The following HORMAD2 variants were observed in gnomAD, a reference collection of about 807,000 sequenced individuals.
HORMAD2 encodes HORMA domain containing 2, also known as HORMA domain-containing protein 2.
A neutral mutation model predicts 38.8 loss-of-function variants in HORMAD2; 45 were observed. That is an observed-to-expected ratio of 1.16 (90% CI 0.91 to 1.49). The LOEUF is 1.49. Among genes scored for constraint, HORMAD2 ranks in the 40% most tolerant of loss-of-function variants. HORMAD2 has a pLI of 0.00. For synonymous variants in HORMAD2, 126 were observed against 122.8 expected (o/e 1.03, Z -0.17); for missense variants, 338 against 367.0 (o/e 0.92, Z 0.65).
At chr22:30,084,428 G>C (rs1016470348) in intron 1 of HORMAD2, among the ~76,000 whole-genome samples, 6 of 152,050 alleles carry the variant, frequency 3.9e-5, no homozygotes, top group African/African-American at 1.2e-4. Context: ...ACCTCTTAAA[G>C]GCCCCAACTC....
the HORMAD2 span, among the ~76,000 whole-genome samples, chr22:30,190,954 A>T: frequency 6.6e-6 from 1 of 151,946 alleles, no homozygotes; most frequent in African/African-American, 2.4e-5. Flanking sequence ...GGGAACCCAG[A>T]TTCTATTTTT....
intron 1 of HORMAD2, among the ~76,000 whole-genome samples, chr22:30,089,304 T>C (rs2068638789): frequency 6.6e-6 from 1 of 152,116 alleles, no homozygotes; most frequent in African/African-American, 2.4e-5. Context: ...GAAGCCCCAG[T>C]TGAAATTAAA....
At chr22:30,081,685 C>G (rs113646632) in intron 1 of HORMAD2, among the ~76,000 whole-genome samples, 1,553 of 152,254 alleles carry the variant, frequency 0.01, 29 homozygotes, top group African/African-American at 0.035. Context: ...AAGCGATTCC[C>G]CTGCCTCAGC....
At chr22:30,078,815 G>A (rs112203521), upstream of HORMAD2, among the ~76,000 whole-genome samples, 885 of 152,146 alleles carry the variant, frequency 5.8e-3, 5 homozygotes, top group African/African-American at 0.018. Flanking sequence ...AGGGCCTAGT[G>A]ATCCAGCCAG....
intron 10 of HORMAD2, among the ~76,000 whole-genome samples, chr22:30,135,067 A>G (rs1299461703): frequency 1.3e-5 from 2 of 152,074 alleles, no homozygotes; most frequent in African/African-American, 2.4e-5. Flanking sequence ...CAATATTTCA[A>G]TCTAGGTCTG....
At chr22:30,186,121 T>G in the HORMAD2 span, among the ~76,000 whole-genome samples, 1 of 152,100 alleles carries the variant, frequency 6.6e-6, no homozygotes, top group Non-Finnish European at 1.5e-5. Context: ...TCCCCCAACC[T>G]CCTCAAAATT....
chr22:30,127,249 C>T (rs1922946419), intron 10 of HORMAD2, among the ~76,000 whole-genome samples: 1 of 131,470 alleles, frequency 7.6e-6, no homozygotes, highest in Non-Finnish European at 1.5e-5. Flanking sequence ...CGCTCTGTCG[C>T]CCAGGCTGGA....
chr22:30,151,916 A>T (rs1276679277), intron 10 of HORMAD2, among the ~76,000 whole-genome samples: 2 of 152,252 alleles, frequency 1.3e-5, no homozygotes, highest in Non-Finnish European at 2.9e-5. Context: ...AGAGTAAGAA[A>T]GGAGAAAAAT....
At chr22:30,089,815 C>G (rs566784820) in intron 1 of HORMAD2, among the ~76,000 whole-genome samples, 1 of 152,182 alleles carries the variant, frequency 6.6e-6, no homozygotes, top group African/African-American at 2.4e-5. Context: ...CAACCATTAT[C>G]ACTATCCATT....
At chr22:30,191,769 C>G in the HORMAD2 span, among the ~76,000 whole-genome samples, 1 of 152,142 alleles carries the variant, frequency 6.6e-6, no homozygotes. Context: ...TAAACACTTC[C>G]AAAAATATTT....
chr22:30,136,759 T>A (rs1048299117), intron 10 of HORMAD2: 5 of 183,362 alleles, frequency 2.7e-5, no homozygotes, highest in Admixed American at 6.0e-5. Context: ...TTTTCAAAAC[T>A]ACTACCTTCA....
upstream of HORMAD2, chr22:30,080,437 T>C (rs1569075956): frequency 6.6e-6 from 1 of 152,334 alleles, no homozygotes; most frequent in African/African-American, 2.4e-5. Flanking sequence ...AGGAGCGGGT[T>C]TGGGCCGGAA....
At chr22:30,132,876 T>C (rs988368720) in intron 10 of HORMAD2, among the ~76,000 whole-genome samples, 9 of 152,184 alleles carry the variant, frequency 5.9e-5, no homozygotes, top group Admixed American at 5.9e-4. Flanking sequence ...AGTATACTGA[T>C]ATGTATTATA....
chr22:30,143,061 A>G (rs542671269), intron 10 of HORMAD2, among the ~76,000 whole-genome samples: 8 of 152,272 alleles, frequency 5.3e-5, no homozygotes, highest in Middle Eastern at 6.8e-3. Context: ...TTCCTTGCCC[A>G]AACAGCTTTT....
chr22:30,148,545 C>T (rs1924560335), intron 10 of HORMAD2, among the ~76,000 whole-genome samples: 2 of 151,952 alleles, frequency 1.3e-5, no homozygotes, highest in Non-Finnish European at 2.9e-5. Flanking sequence ...TAAAGTTTGC[C>T]TTATTACAGT....
At chr22:30,204,718 C>T in the HORMAD2 span, among the ~76,000 whole-genome samples, 4 of 152,102 alleles carry the variant, frequency 2.6e-5, no homozygotes, top group South Asian at 2.1e-4. Context: ...ATGGGAAAGA[C>T]GTTGTTTTTC....
At chr22:30,137,174 C>T in intron 10 of HORMAD2, 1 of 551,590 alleles carries the variant, frequency 1.8e-6, no homozygotes, top group South Asian at 1.7e-5. Context: ...GGAAATTAAT[C>T]AGGCATTTTT....
intron 3 of HORMAD2, 21 bp from the exon 4 acceptor site, chr22:30,103,416 A>C: frequency 6.9e-7 from 1 of 1,444,388 alleles, no homozygotes; most frequent in Non-Finnish European, 9.5e-7. Context: ...ATAAAAATAG[A>C]CTGTGTTTCT....
At chr22:30,171,035 A>G (rs1260521414) in intron 10 of HORMAD2, among the ~76,000 whole-genome samples, 2 of 152,120 alleles carry the variant, frequency 1.3e-5, no homozygotes, top group Non-Finnish European at 2.9e-5. Flanking sequence ...GACTTTCTCA[A>G]CATGACAGTC....
Sources: gnomAD v4.1 joint callset for allele counts (sites outside exome capture counted in the v4.1 genomes callset) on GRCh38, gnomAD v4.1.1 for gene constraint, MANE v1.5 for transcripts, NCBI Gene and HGNC (gene_info 2026-07-23, HGNC 2026-07-21) for gene names.